YIPF5: variants seen among roughly 807,000 people sequenced by gnomAD.
YIPF5 encodes Yip1 domain family member 5.
In YIPF5, 8 loss-of-function variants were observed where a neutral mutation model predicts 30.4. The observed-to-expected ratio is 0.26, with a 90% confidence interval of 0.15 to 0.47. The LOEUF (loss-of-function observed/expected upper bound fraction) is 0.47. Ranked by LOEUF, YIPF5 falls within the 20% of genes least tolerant of loss-of-function variation. The pLI is 0.99. For missense variants in YIPF5, 282 were observed against 301.8 expected (o/e 0.93, Z 0.49); for synonymous variants, 104 against 107.9 (o/e 0.96, Z 0.23).
At position 144,159,851 on chromosome 5, in the gene YIPF5, C is replaced by T. The variant is rs1019620887; in HGVS notation, c.*546G>A. 61 of 534,730 alleles carry T rather than the reference C, an allele frequency of 1.1e-4. No homozygotes were observed. The highest frequency in any genetic ancestry group is 1.1e-3 in the East Asian group (7 of 6,662). The allele number at this position is 534,730 out of a possible 1,614,324, so 33.1% of individuals were successfully genotyped here. On this transcript the variant is annotated 3_prime_UTR_variant, in exon 6 of 6. Coordinates refer to ENST00000274496, the MANE Select transcript of YIPF5 (RefSeq NM_030799.9). ...CCTCCTGAGTAGCTGGGACTACAGG[C>T]GCCCGCCACCACGCCCAGCTAATTT...
intron 1 of YIPF5, chr5:144,170,229 G>A: frequency 2.3e-6 from 1 of 441,464 alleles, no homozygotes; most frequent in South Asian, 2.5e-5. Context: ...GGTCGTGGGA[G>A]TTGTGGTTCC....
At chr5:144,168,358 C>T (rs538690780) in intron 2 of YIPF5, among the ~76,000 whole-genome samples, 1 of 152,184 alleles carries the variant, frequency 6.6e-6, no homozygotes, top group East Asian at 1.9e-4. Context: ...AATGGAATAG[C>T]TCTGTTGAGT....
rs367792274 is a variant in YIPF5 at position 144,164,218 on chromosome 5, G to T, written c.322C>A (p.Leu108Ile). Residue 108 changes from leucine (L) to isoleucine (I), a missense_variant, in exon 4 of 6, where the codon CTA becomes ATA. Physicochemically the swap from Leu to Ile is conservative, Grantham distance 5. Transcript: ENST00000274496. ...ACTTTTAACGGATGTAATACTGTTA[G>T]TGTTTTTTGCCAGATGTGGTCAAAA... The part of the protein sequence containing the change: ...INFDHIWQKT[L>I]TVLHPLKVAD... The T allele has an allele frequency of 1.9e-6, 3 of 1,611,892 alleles. No homozygotes were observed. The African/African-American group carries it at 4.0e-5, about 22-fold the overall frequency.
Position 144,159,080 on chromosome 5 carries a change from T to TTG in YIPF5, c.*1316_*1317insCA. On this transcript the variant is annotated 3_prime_UTR_variant, in exon 6 of 6. Transcript: ENST00000274496. ...TCTCTCTGGCAAGAGAACATGACAA[T>TTG]ATAAATCAAATAAATTTAATACAAT... The TTG allele has an allele frequency of 1.0e-6, 1 of 982,910 alleles. No homozygotes were observed. The highest frequency in any genetic ancestry group is 1.2e-6 in the Non-Finnish European group (1 of 827,734). The allele number at this position is 982,910 out of a possible 1,614,324, so 60.9% of individuals were successfully genotyped here.
rs1195065710 is a variant in YIPF5 at position 144,170,001 on chromosome 5, C to A, written c.-10-36G>T. 3.9e-6 allele frequency: 6 copies of A among 1,541,228 alleles called. No homozygotes were observed. The East Asian group carries it at 1.3e-4, about 35-fold the overall frequency. On this transcript the variant is annotated intron_variant, in intron 1 of 5. Transcript: ENST00000274496. ...AGAGAAATGGCAAATATTCCTTATG[C>A]CCAAGGTTCTACTGAATTCGTTCCT...
In YIPF5 at chr5:144,169,805, T is replaced by C. The variant is rs199774498; in HGVS notation, c.110+41A>G. On this transcript the variant is annotated intron_variant, in intron 2 of 5. Coordinates refer to ENST00000274496, the MANE Select transcript of YIPF5 (RefSeq NM_030799.9). Reference sequence around the variant, plus strand: ...AAATATTCTAAATATGTGTTTTCACTGCAATGTAGACTAAATTAATTGCCA... The same window carrying C: ...AAATATTCTAAATATGTGTTTTCACCGCAATGTAGACTAAATTAATTGCCA... The C allele has an allele frequency of 5.8e-5, 88 of 1,511,964 alleles. No homozygotes were observed. In the African/African-American group the frequency reaches 1.2e-3, roughly 20 times the overall value. 93.7% of individuals were successfully genotyped at this position (1,511,964 alleles called of 1,614,324 possible). A position where few individuals can be genotyped will look rare whatever the true frequency, so the allele number is the denominator to read the frequency against.
Position 144,169,829 on chromosome 5 carries a change from C to T in YIPF5, c.110+17G>A, listed in dbSNP as rs762860184. 5.6e-6 allele frequency: 9 copies of T among 1,603,422 alleles called. No individual in the cohort carries two copies. The African/African-American group carries it at 1.1e-4, about 19-fold the overall frequency. ...CTGCAATGTAGACTAAATTAATTGC[C>T]AAAGATGAAAAGTTACTTGCTATAG... On this transcript the variant is annotated intron_variant, in intron 2 of 5. Coordinates refer to ENST00000274496, the MANE Select transcript of YIPF5 (RefSeq NM_030799.9).
chr5:144,160,638 A>G, intron 5 of YIPF5, 79 bp from the exon 6 acceptor site: 1 of 1,139,044 alleles, frequency 8.8e-7, no homozygotes, highest in South Asian at 2.3e-5. Context: ...ACAATAACCT[A>G]TTCTAAAGCA....
intron 2 of YIPF5, among the ~76,000 whole-genome samples, chr5:144,169,205 G>A (rs1485628874): frequency 6.6e-6 from 1 of 152,190 alleles, no homozygotes. Flanking sequence ...TTCAGTTCAT[G>A]TATTTTTGTC....
chr5:144,159,044 T>C lies in YIPF5; in HGVS notation c.*1353A>G. On this transcript the variant is annotated 3_prime_UTR_variant, in exon 6 of 6. Transcript: ENST00000274496. ...TGATCAGTATACAAGATACAGTATT[T>C]TCCTACAGATTCTCTCTGGCAAGAG... 1.0e-6 allele frequency: 1 copy of C among 984,404 alleles called. No individual in the cohort carries two copies. Among genetic ancestry groups the C allele is most frequent in the Non-Finnish European group, 1.2e-6 (1 of 829,016 alleles). 61.0% of individuals were successfully genotyped at this position (984,404 alleles called of 1,614,324 possible).
chr5:144,160,198 T>C lies in YIPF5; in HGVS notation c.*199A>G, dbSNP rs575444957. 4.1e-4 allele frequency: 544 copies of C among 1,321,208 alleles called. No individual in the cohort carries two copies. Among genetic ancestry groups the C allele is most frequent in the Middle Eastern group, 5.6e-4 (2 of 3,556 alleles). The allele number at this position is 1,321,208 out of a possible 1,614,324, so 81.8% of individuals were successfully genotyped here. A position where few individuals can be genotyped will look rare whatever the true frequency, so the allele number is the denominator to read the frequency against. ...TATAAACACAAACATTTAAAGCTAGTCACACCGCAGGTAAATCCAATATAG... is the reference window on the plus strand; with the variant it reads ...TATAAACACAAACATTTAAAGCTAGCCACACCGCAGGTAAATCCAATATAG... On this transcript the variant is annotated 3_prime_UTR_variant, in exon 6 of 6. Transcript: ENST00000274496.
intron 5 of YIPF5, 38 bp from the exon 6 acceptor site, chr5:144,160,597 A>G: frequency 6.4e-7 from 1 of 1,553,046 alleles, no homozygotes; most frequent in South Asian, 1.2e-5. Flanking sequence ...GAAGAAAAAA[A>G]AGCAGATGAG....
rs549844102 is a variant in YIPF5, at chr5:144,162,234, C to A, written c.595G>T (p.Val199Leu). ...AGTACTTACTGCAAAGAAAATATCA[C>A]TGCAAAGCTGGAAAGTAGGATCATG... The part of the protein sequence containing the change: ...LPMILLSSFA[V>L]IFSLQGMVGI... Residue 199 changes from valine (V) to leucine (L), a missense_variant, in exon 5 of 6, where the codon GTG becomes TTG. Transcript: ENST00000274496. 2 of 1,613,864 alleles carry A rather than the reference C, an allele frequency of 1.2e-6. No homozygotes were observed. The highest frequency in any genetic ancestry group is 1.7e-5 in the Admixed American group (1 of 59,984).
At chr5:144,167,231 T>C (rs1025648644) in intron 2 of YIPF5, among the ~76,000 whole-genome samples, 1 of 152,146 alleles carries the variant, frequency 6.6e-6, no homozygotes, top group Admixed American at 6.5e-5. Flanking sequence ...AATGACAATA[T>C]CATAGAATTT....
At chr5:144,162,772 A>G (rs1345604685) in intron 4 of YIPF5, among the ~76,000 whole-genome samples, 1 of 152,216 alleles carries the variant, frequency 6.6e-6, no homozygotes, top group African/African-American at 2.4e-5. Context: ...GATAATTGTT[A>G]TATCAGTTGA....
At chr5:144,162,091 G>C in intron 5 of YIPF5, 127 bp downstream of exon 5, 1 of 993,296 alleles carries the variant, frequency 1.0e-6, no homozygotes. Flanking sequence ...ATTTGGCACT[G>C]TCCCTACTAC....
In YIPF5 at chr5:144,159,493, T is replaced by G; in HGVS notation, c.*904A>C. 1.0e-6 allele frequency: 1 copy of G among 980,604 alleles called. No individual in the cohort carries two copies. The highest frequency in any genetic ancestry group is 1.2e-6 in the Non-Finnish European group (1 of 827,946). 60.7% of individuals were successfully genotyped at this position (980,604 alleles called of 1,614,324 possible). A position where few individuals can be genotyped will look rare whatever the true frequency, so the allele number is the denominator to read the frequency against. On this transcript the variant is annotated 3_prime_UTR_variant, in exon 6 of 6. Transcript: ENST00000274496. Reference sequence around the variant, plus strand: ...TGTAAGTAAGTGTTCGCATTTCATGTCTACAATAAGGTAGATTGTGAACTT... The same window carrying G: ...TGTAAGTAAGTGTTCGCATTTCATGGCTACAATAAGGTAGATTGTGAACTT...
chr5:144,163,996 A>C (rs1752125908), intron 4 of YIPF5, 115 bp downstream of exon 4: 1 of 1,307,126 alleles, frequency 7.7e-7, no homozygotes, highest in East Asian at 2.4e-5. Context: ...TACTATTCCA[A>C]ACACATCAAA....
At chr5:144,165,639 A>T in intron 2 of YIPF5, 35 bp from the exon 3 acceptor site, 1 of 1,607,668 alleles carries the variant, frequency 6.2e-7, no homozygotes, top group Non-Finnish European at 8.5e-7. Flanking sequence ...TTTCAGAGGT[A>T]TTTCAACTCT....
Sources: allele counts gnomAD v4.1 joint callset (sites outside exome capture counted in the v4.1 genomes callset), GRCh38; gene constraint gnomAD v4.1.1; transcripts MANE v1.5; gene names NCBI Gene and HGNC (gene_info 2026-07-23, HGNC 2026-07-21).